The following FBXO38 variants were observed in gnomAD, a reference collection of about 807,000 sequenced individuals.
FBXO38 encodes the protein F-box only protein 38.
A neutral mutation model predicts 131.9 loss-of-function variants in FBXO38; 53 were observed. That is an observed-to-expected ratio of 0.40 (90% CI 0.32 to 0.51). The LOEUF (loss-of-function observed/expected upper bound fraction) is 0.51. Ranked by LOEUF, FBXO38 falls within the 20% of genes least tolerant of loss-of-function variation. The pLI, the probability that FBXO38 is intolerant of heterozygous loss-of-function variation, is 0.53. For synonymous variants in FBXO38, 452 were observed against 505.6 expected (o/e 0.89, Z 1.42); for missense variants, 1,076 against 1,475.6 (o/e 0.73, Z 4.44).
rs1752352228 is a variant in FBXO38 at position 148,404,903 on chromosome 5, A to G, written c.730+81A>G. The stretch of plus-strand genomic sequence containing the variant: ...AAGCAAACTCTAGCTACATTTGTAA[A>G]TACAATTATATTATGCTATTACTAT... On this transcript the variant is annotated intron_variant, in intron 6 of 21. Transcript: ENST00000340253. 2.5e-6 allele frequency: 3 copies of G among 1,211,250 alleles called. No individual in the cohort carries two copies. In the African/African-American group the frequency reaches 4.8e-5, roughly 19 times the overall value. The allele number at this position is 1,211,250 out of a possible 1,614,324, so 75.0% of individuals were successfully genotyped here.
At chr5:148,397,205 T>A (rs916454791) in intron 2 of FBXO38, among the ~76,000 whole-genome samples, 1 of 152,184 alleles carries the variant, frequency 6.6e-6, no homozygotes, top group African/African-American at 2.4e-5. Flanking sequence ...ATGGCCTTCC[T>A]TAAAAGAAAC....
rs1024248807 is a variant in FBXO38 at position 148,441,212 on chromosome 5, A to G, written c.3363A>G (p.Arg1121=). Reference sequence around the variant, plus strand: ...CTGCAGAGCCCAACAGCTTCGCTCGATACGACTTTGAAGACGATGAAGAAA... The same window carrying G: ...CTGCAGAGCCCAACAGCTTCGCTCGGTACGACTTTGAAGACGATGAAGAAA... ...LRAAEPNSFA[R]YDFEDDEEST... Residue 1121 remains arginine, a synonymous_variant, in exon 21 of 22, where the codon CGA becomes CGG. Coordinates refer to ENST00000340253, the MANE Select transcript of FBXO38 (RefSeq NM_205836.3). 1 of 1,613,410 alleles carries G rather than the reference A, an allele frequency of 6.2e-7. No homozygotes were observed. The highest frequency in any genetic ancestry group is 8.5e-7 in the Non-Finnish European group (1 of 1,179,808).
intron 18 of FBXO38, among the ~76,000 whole-genome samples, chr5:148,439,270 G>A (rs1581311013): frequency 6.6e-6 from 1 of 152,274 alleles, no homozygotes; most frequent in Non-Finnish European, 1.5e-5. Flanking sequence ...TAAAGACTGG[G>A]CAGCAGTCTC....
At chr5:148,438,220 TATTTG>T in intron 17 of FBXO38, 107 bp from the exon 18 acceptor site, 1 of 894,036 alleles carries the variant, frequency 1.1e-6, no homozygotes, top group Admixed American at 2.8e-5. Flanking sequence ...TCTATGATAT[TATTTG>T]ACCTCTGTTA....
At chr5:148,423,005 T>G (rs1278670713) in intron 12 of FBXO38, among the ~76,000 whole-genome samples, 1 of 152,174 alleles carries the variant, frequency 6.6e-6, no homozygotes. Context: ...TGGACTACTA[T>G]TCTTCCAAAA....
chr5:148,436,149 G>C (rs1272527462), intron 17 of FBXO38, among the ~76,000 whole-genome samples: 1 of 152,204 alleles, frequency 6.6e-6, no homozygotes, highest in Non-Finnish European at 1.5e-5. Context: ...AATGGCACCA[G>C]TAGATGCTCA....
intron 2 of FBXO38, 117 bp from the exon 3 acceptor site, chr5:148,398,882 C>G: frequency 8.4e-7 from 1 of 1,186,978 alleles, no homozygotes; most frequent in Non-Finnish European, 1.2e-6. Context: ...AAATCTCTGT[C>G]TTAAGATCTT....
At chr5:148,409,467 A>C (rs1349577826) in intron 8 of FBXO38, among the ~76,000 whole-genome samples, 7 of 152,226 alleles carry the variant, frequency 4.6e-5, no homozygotes, top group Admixed American at 3.3e-4. Flanking sequence ...ATCAGAGAAA[A>C]GCAGTGGAAT....
Position 148,427,443 on chromosome 5 carries a change from T to G in FBXO38, c.2149T>G (p.Ser717Ala), listed in dbSNP as rs775881131. The G allele has an allele frequency of 6.2e-7, 1 of 1,614,174 alleles. No homozygotes were observed. The highest frequency in any genetic ancestry group is 1.7e-5 in the Admixed American group (1 of 60,028). ...CGCCAGCACAGTGGGAAACTCCAGC[T>G]CACACAACACTGCTTCTCAAAGCCC... ...TTASTVGNSS[S>A]HNTASQSPDF... The change falls in exon 15 of 22, where the codon TCA (serine) becomes GCA (alanine). Residue 717 changes from serine to alanine, a missense_variant. Around this residue, in one of 8 missense-constraint regions of FBXO38, gnomAD observed 213 missense variants for 225.2 expected, o/e 0.95. Transcript: ENST00000340253.
intron 12 of FBXO38, among the ~76,000 whole-genome samples, chr5:148,421,104 C>G (rs901838356): frequency 4.6e-5 from 7 of 151,972 alleles, no homozygotes; most frequent in African/African-American, 1.2e-4. Context: ...TTAGCTGGGA[C>G]TATAGGCGCG....
chr5:148,427,420 CCAG>C lies in FBXO38; in HGVS notation c.2129_2131del (p.Ser710del). The stretch of plus-strand genomic sequence containing the variant: ...TATCCCAGCTGCAGCAGCACCACCG[CCAG>C]CACAGTGGGAAACTCCAGCTCACAC... On this transcript the variant is annotated inframe_deletion, in exon 15 of 22. Coordinates refer to ENST00000340253, the MANE Select transcript of FBXO38 (RefSeq NM_205836.3). 1.2e-6 allele frequency: 2 copies of C among 1,614,206 alleles called. No homozygotes were observed. The highest frequency in any genetic ancestry group is 1.7e-6 in the Non-Finnish European group (2 of 1,180,036).
chr5:148,427,930 T>A lies in FBXO38; in HGVS notation c.2636T>A (p.Leu879Gln). 10 of 1,513,902 alleles carry A rather than the reference T, an allele frequency of 6.6e-6. No homozygotes were observed. The highest frequency in any genetic ancestry group is 8.8e-6 in the Non-Finnish European group (10 of 1,131,616). 93.8% of individuals were successfully genotyped at this position (1,513,902 alleles called of 1,614,324 possible). The change falls in exon 15 of 22, where the codon CTG becomes CAG. Residue 879 changes from leucine to glutamine, a missense_variant. This residue lies in a region of FBXO38 where 282 missense variants were observed against 418.8 expected (regional missense o/e 0.67). Coordinates refer to ENST00000340253, the MANE Select transcript of FBXO38 (RefSeq NM_205836.3). Reference protein sequence around the residue: ...TRARSRLSHVLLVSESEVAKT... With the variant: ...TRARSRLSHVQLVSESEVAKT... The stretch of plus-strand genomic sequence containing the variant: ...GCCAGGAGCAGACTGTCCCATGTAC[T>A]GCTGGTATCTGAGTCAGGTATGACA...
At chr5:148,388,814 T>A (rs930425353) in intron 1 of FBXO38, among the ~76,000 whole-genome samples, 6 of 152,248 alleles carry the variant, frequency 3.9e-5, no homozygotes, top group Admixed American at 1.3e-4. Context: ...CATTTGTTTA[T>A]TCACTGGAGT....
chr5:148,417,225 G>C (rs1753111905), intron 12 of FBXO38, 21 bp downstream of exon 12: 1 of 1,482,322 alleles, frequency 6.7e-7, no homozygotes, highest in South Asian at 1.1e-5. Context: ...TCTTTTATGA[G>C]CTCCAGATAG....
At position 148,394,942 on chromosome 5, in the gene FBXO38, GA is replaced by G. The variant is rs1282750196; in HGVS notation, c.128+39del. On this transcript the variant is annotated intron_variant, in intron 2 of 21. Transcript: ENST00000340253. Reference sequence around the variant, plus strand: ...TTGGTTGGCTTACCTGCCTGGAATGGATAAGAGCAAACCCTGAGGCAGTGCT... The same window carrying G: ...TTGGTTGGCTTACCTGCCTGGAATGGTAAGAGCAAACCCTGAGGCAGTGCT... The G allele has an allele frequency of 2.0e-6, 3 of 1,530,558 alleles. No homozygotes were observed. The South Asian group carries it at 3.9e-5, about 20-fold the overall frequency. The allele number at this position is 1,530,558 out of a possible 1,614,324, so 94.8% of individuals were successfully genotyped here. A position where few individuals can be genotyped will look rare whatever the true frequency, so the allele number is the denominator to read the frequency against.
At chr5:148,390,370 A>G (rs1237512318) in intron 1 of FBXO38, among the ~76,000 whole-genome samples, 1 of 152,096 alleles carries the variant, frequency 6.6e-6, no homozygotes, top group Non-Finnish European at 1.5e-5. Flanking sequence ...TCAATCTCCT[A>G]TATATAAGAT....
chr5:148,409,078 C>T (rs2113557811), intron 7 of FBXO38, 46 bp from the exon 8 acceptor site: 1 of 1,073,600 alleles, frequency 9.3e-7, no homozygotes, highest in East Asian at 2.4e-5. Context: ...AAATACTTCA[C>T]TAAAAATGCT....
chr5:148,428,008 G>A, intron 15 of FBXO38, 61 bp downstream of exon 15: 11 of 1,400,320 alleles, frequency 7.9e-6, no homozygotes, highest in Non-Finnish European at 1.0e-5. Context: ...GCATGAACTT[G>A]TTTCATGAGT....
intron 6 of FBXO38, among the ~76,000 whole-genome samples, chr5:148,405,151 G>T (rs1242813803): frequency 2.0e-5 from 3 of 151,902 alleles, no homozygotes; most frequent in Non-Finnish European, 4.4e-5. Flanking sequence ...TAAATAGTTG[G>T]CTTCCTTAAT....
Sources: allele counts gnomAD v4.1 joint callset (sites outside exome capture counted in the v4.1 genomes callset), GRCh38; gene constraint gnomAD v4.1.1; regional missense constraint gnomAD v4.1.1; transcripts MANE v1.5; gene names NCBI Gene and HGNC (gene_info 2026-07-23, HGNC 2026-07-21).